The following CROCC2 variants were observed in gnomAD, a reference collection of about 807,000 sequenced individuals.
The protein encoded by CROCC2 is ciliary rootlet coiled-coil, rootletin family member 2, also known as ciliary rootlet coiled-coil protein 2.
Under a neutral mutation model 177.6 loss-of-function variants are expected in CROCC2, and 163 were observed. That is an observed-to-expected ratio of 0.92 (90% CI 0.81 to 1.05). The LOEUF (loss-of-function observed/expected upper bound fraction) is 1.05. CROCC2 is among the 50% of genes least tolerant of loss of function. The probability of loss-of-function intolerance (pLI) is 0.00; values close to 1 mark genes in which losing one functional copy is unlikely to be tolerated. For missense variants in CROCC2, 1,929 were observed against 1,797.8 expected, an observed-to-expected ratio of 1.07 and a Z score of -1.32; for synonymous variants, 904 against 787.3, an observed-to-expected ratio of 1.15 and a Z score of -2.48.
At chr2:240,992,166 C>A (rs1302449785) in intron 31 of CROCC2, among the ~76,000 whole-genome samples, 1 of 152,224 alleles carries the variant, frequency 6.6e-6, no homozygotes, top group Non-Finnish European at 1.5e-5. Flanking sequence ...CACCCCTCGT[C>A]TCCATCACCG....
At chr2:240,980,185 A>G (rs374488758) in intron 27 of CROCC2, among the ~76,000 whole-genome samples, 287 of 11,736 alleles carry the variant, frequency 0.024, 18 homozygotes, top group African/African-American at 0.047. Flanking sequence ...AGGAGCCCAG[A>G]CTCATCCCTG....
chr2:240,923,446 A>G (rs1313128403), intron 4 of CROCC2, among the ~76,000 whole-genome samples: 17 of 132,418 alleles, frequency 1.3e-4, no homozygotes, highest in African/African-American at 3.6e-4. Context: ...TGCCTGTACT[A>G]ACCCGGCCCC....
chr2:240,917,828 T>C lies in CROCC2; in HGVS notation c.79-898T>C, dbSNP rs1324017212. 1.3e-5 allele frequency among the ~76,000 whole-genome samples: 2 copies of C among 152,220 alleles called. No individual in the cohort carries two copies. Among genetic ancestry groups the C allele is most frequent in the South Asian group, 2.1e-4 (1 of 4,836 alleles). Reference sequence around the variant, plus strand: ...TCCTGCGGGATCCTGCCTGGGCTTCTGCTGGTTTGGCACAGGCGGCCTGTG... The same window carrying C: ...TCCTGCGGGATCCTGCCTGGGCTTCCGCTGGTTTGGCACAGGCGGCCTGTG... On this transcript the variant is annotated intron_variant, in intron 1 of 31. Transcript: ENST00000690015. The surrounding 1 kb of genome is among the most constrained non-coding windows in gnomAD (Gnocchi z 4.9).
At chr2:240,938,688 A>T (rs1211916426) in intron 14 of CROCC2, among the ~76,000 whole-genome samples, 1 of 152,218 alleles carries the variant, frequency 6.6e-6, no homozygotes, top group Non-Finnish European at 1.5e-5. Flanking sequence ...TATACTGAAT[A>T]TTACATCCAT....
At chr2:240,929,012 G>A (rs2059411477) in intron 5 of CROCC2, among the ~76,000 whole-genome samples, 1 of 151,412 alleles carries the variant, frequency 6.6e-6, no homozygotes, top group African/African-American at 2.4e-5. Flanking sequence ...CGGGTGCATG[G>A]CCAGGTGTAA....
chr2:240,991,753 C>T (rs1462560833), intron 31 of CROCC2, among the ~76,000 whole-genome samples: 1 of 152,230 alleles, frequency 6.6e-6, no homozygotes, highest in Non-Finnish European at 1.5e-5. Context: ...CTGACCAGAC[C>T]CCCGGGGCCA....
rs1445203343 is a variant in CROCC2 at position 240,919,025 on chromosome 2, TGGGCCCG to T, written c.229+154_229+160del. On this transcript the variant is annotated intron_variant, in intron 2 of 31. Coordinates refer to ENST00000690015, the MANE Select transcript of CROCC2 (RefSeq NM_001351305.2). ...AAGGTGATGGCGTGGGGGACAGTCC[TGGGCCCG>T]GGGCTGGGCAAGGTGATGGCGTGGG... 24 of 449,518 alleles carry T rather than the reference TGGGCCCG, an allele frequency of 5.3e-5. No individual in the cohort carries two copies. The African/African-American group carries it at 1.1e-3, about 21-fold the overall frequency. 27.8% of individuals were successfully genotyped at this position (449,518 alleles called of 1,614,324 possible).
chr2:240,933,337 G>A lies in CROCC2; in HGVS notation c.1458G>A (p.Leu486=), dbSNP rs1228535776. ...VQQCRASCKL[L]GREKAALEMV... ...AGTGCCGGGCATCCTGCAAGCTCCT[G>A]GGGAGGTAATGGGGTGAAGGGGTTG... Residue 486 remains leucine, a synonymous_variant, in exon 10 of 32, where the codon CTG becomes CTA. Coordinates refer to ENST00000690015, the MANE Select transcript of CROCC2 (RefSeq NM_001351305.2). 6.6e-7 allele frequency: 1 copy of A among 1,519,100 alleles called. No homozygotes were observed. The allele number at this position is 1,519,100 out of a possible 1,614,324, so 94.1% of individuals were successfully genotyped here. A position where few individuals can be genotyped will look rare whatever the true frequency, so the allele number is the denominator to read the frequency against.
chr2:240,919,930 G>A, intron 2 of CROCC2, 53 bp from the exon 3 acceptor site: 1 of 707,380 alleles, frequency 1.4e-6, no homozygotes, highest in South Asian at 1.5e-5. Flanking sequence ...GCACAAGGCT[G>A]AGTGTGGGTG....
chr2:240,943,107 A>C (rs1047624473), intron 14 of CROCC2, among the ~76,000 whole-genome samples: 8 of 152,124 alleles, frequency 5.3e-5, no homozygotes, highest in Non-Finnish European at 1.2e-4. Flanking sequence ...TTCTGGGCTC[A>C]AGTGATCCTC....
rs1446858879 is a variant in CROCC2, at chr2:240,933,200, C to T, written c.1321C>T (p.Arg441Trp). 50 of 1,549,582 alleles carry T rather than the reference C, an allele frequency of 3.2e-5. No individual in the cohort carries two copies. The highest frequency in any genetic ancestry group is 4.1e-5 in the Non-Finnish European group (47 of 1,146,638). The change falls in exon 10 of 32, where the codon CGG becomes TGG. Residue 441 changes from arginine (R) to tryptophan (W), a missense_variant. Arg to Trp is a moderately radical substitution (Grantham distance 101, BLOSUM62 -3). Transcript: ENST00000690015. The stretch of plus-strand genomic sequence containing the variant: ...TCTCCAGGAGCAGCTGTCCGAAAGC[C>T]GGCGGGAGCTGTGGGCCGCACAGAA... ...ASLQEQLSESRRELWAAQKLQ... is the reference protein window; with the variant it reads ...ASLQEQLSESWRELWAAQKLQ...
In CROCC2 at chr2:240,972,019, G is replaced by A. The variant is rs1413255447; in HGVS notation, c.4401+3757G>A. Among the ~76,000 whole-genome samples the A allele has an allele frequency of 6.6e-6, 1 of 152,028 alleles. No homozygotes were observed. Among genetic ancestry groups the A allele is most frequent in the Non-Finnish European group, 1.5e-5 (1 of 68,010 alleles). ...TTGAGAACACTAGTTACCATCTTCT[G>A]GTGTGTGTCAGTAGCTCACTTCTCT... is the stretch of plus-strand genomic sequence containing the variant. On this transcript the variant is annotated intron_variant, in intron 27 of 31. Coordinates refer to ENST00000690015, the MANE Select transcript of CROCC2 (RefSeq NM_001351305.2). This position sits in a 1 kb window ranked among gnomAD's most constrained non-coding sequence, Gnocchi z 7.1.
At chr2:240,951,254 T>G (rs569564485) in intron 18 of CROCC2, among the ~76,000 whole-genome samples, 2 of 150,470 alleles carry the variant, frequency 1.3e-5, no homozygotes, top group South Asian at 4.3e-4. Context: ...TGTCCATCCA[T>G]TCATTCATCC....
chr2:240,964,210 G>A (rs573871955), intron 21 of CROCC2: 67 of 575,848 alleles, frequency 1.2e-4, no homozygotes, highest in Non-Finnish European at 1.8e-4. Context: ...GTGACAGAGA[G>A]GGGGAGACAG....
intron 14 of CROCC2, among the ~76,000 whole-genome samples, chr2:240,942,221 G>A (rs1447564264): frequency 1.3e-5 from 2 of 152,084 alleles, no homozygotes; most frequent in Non-Finnish European, 2.9e-5. Flanking sequence ...TTTTATTTCT[G>A]TGTGTGTTGT....
At chr2:240,968,098 G>T in intron 26 of CROCC2, 31 bp from the exon 27 acceptor site, 1 of 1,407,814 alleles carries the variant, frequency 7.1e-7, no homozygotes, top group African/African-American at 1.5e-5. Context: ...GGGGCATGGG[G>T]GCCCCTCAAG....
At position 240,990,570 on chromosome 2, in the gene CROCC2, G is replaced by GTGTTTTGTTTTGTTT. The variant is rs368000484; in HGVS notation, c.4864-610_4864-596dup. Among the ~76,000 whole-genome samples the GTGTTTTGTTTTGTTT allele has an allele frequency of 3.8e-3, 580 of 152,098 alleles. 3 individuals are homozygous for GTGTTTTGTTTTGTTT. Among genetic ancestry groups the GTGTTTTGTTTTGTTT allele is most frequent in the African/African-American group, 0.013 (555 of 41,450 alleles). On this transcript the variant is annotated intron_variant, in intron 30 of 31. Transcript: ENST00000690015. ...TTTATTTATTTCCTTATCATTCTGA[G>GTGTTTTGTTTTGTTT]TGTTTTGTTTTGTTTTGTTTTGTTT...
rs1277188618 is a variant in CROCC2 at position 240,958,374 on chromosome 2, G to A, written c.2944-927G>A. Among the ~76,000 whole-genome samples, 1 of 152,176 alleles carries A rather than the reference G, an allele frequency of 6.6e-6. No individual in the cohort carries two copies. The highest frequency in any genetic ancestry group is 1.5e-5 in the Non-Finnish European group (1 of 68,024). On this transcript the variant is annotated intron_variant, in intron 19 of 31. Transcript: ENST00000690015. The surrounding 1 kb of genome is among the most constrained non-coding windows in gnomAD (Gnocchi z 6.7). ...CCCTTCTCAGTCCAGAGAGACCAGA[G>A]GGGGTTGTAAAGAATGACGACAGGA...
intron 22 of CROCC2, 133 bp from the exon 23 acceptor site, chr2:240,965,248 A>G (rs2059672498): frequency 7.6e-7 from 1 of 1,317,268 alleles, no homozygotes. Context: ...CCTTTGGGGC[A>G]CCTTAGCCCA....
Sources: allele counts gnomAD v4.1 joint callset (sites outside exome capture counted in the v4.1 genomes callset), GRCh38; gene constraint gnomAD v4.1.1; non-coding constraint Gnocchi (gnomAD v3.1); transcripts MANE v1.5; gene names NCBI Gene and HGNC (gene_info 2026-07-23, HGNC 2026-07-21).